Variants in CSMD1 observed in about 807,000 individuals in gnomAD.
CSMD1 encodes the protein CUB and sushi domain-containing protein 1.
A neutral mutation model predicts 417.5 loss-of-function variants in CSMD1; 213 were observed. The ratio of observed to expected loss-of-function variants is 0.51; its 90% CI spans 0.46 to 0.57. The LOEUF is 0.57. CSMD1 is among the 20% of genes least tolerant of loss of function. CSMD1 has a pLI of 0.00. For synonymous variants in CSMD1, 2,862 were observed against 1,736.8 expected, an observed-to-expected ratio of 1.65 and a Z score of -16.11; for missense variants, 6,923 against 4,529.7, an observed-to-expected ratio of 1.53 and a Z score of -15.17.
chr8:4,109,566 G>C (rs546450926), intron 3 of CSMD1, among the ~76,000 whole-genome samples: 2 of 152,112 alleles, frequency 1.3e-5, no homozygotes, highest in Non-Finnish European at 2.9e-5. Flanking sequence ...TCATTTCCCA[G>C]TCAATGTCTG....
At chr8:4,365,887 T>A (rs1438205) in intron 3 of CSMD1, among the ~76,000 whole-genome samples, 74,811 of 152,124 alleles carry the variant, frequency 0.49, 19,456 homozygotes, top group African/African-American at 0.67. Context: ...TTTCTTTTGA[T>A]ATCAAAATAT....
chr8:4,478,192 T>C (rs1010468777), intron 2 of CSMD1, among the ~76,000 whole-genome samples: 1 of 152,188 alleles, frequency 6.6e-6, no homozygotes, highest in African/African-American at 2.4e-5. Context: ...CTTTTTATAT[T>C]CTTTCACTCG....
chr8:3,334,320 C>T (rs916861073), intron 23 of CSMD1, among the ~76,000 whole-genome samples: 1 of 152,196 alleles, frequency 6.6e-6, no homozygotes, highest in Non-Finnish European at 1.5e-5. Context: ...GCTGTGTACA[C>T]TTCATGCTTG....
chr8:3,064,628 G>A (rs1003984678), intron 49 of CSMD1, among the ~76,000 whole-genome samples: 16 of 152,182 alleles, frequency 1.1e-4, no homozygotes, highest in African/African-American at 3.6e-4. Context: ...TGATCCAAAC[G>A]TGGAAGGTTG....
At chr8:4,709,297 G>A (rs1410083042) in intron 1 of CSMD1, among the ~76,000 whole-genome samples, 1 of 152,194 alleles carries the variant, frequency 6.6e-6, no homozygotes, top group Non-Finnish European at 1.5e-5. Flanking sequence ...GGTAGAAGGA[G>A]GTGCTGAACT....
At chr8:4,340,383 A>T (rs972858313) in intron 3 of CSMD1, among the ~76,000 whole-genome samples, 3 of 151,868 alleles carry the variant, frequency 2.0e-5, no homozygotes, top group East Asian at 3.9e-4. Context: ...AGAAAATAAC[A>T]CTCTTGACAT....
At chr8:4,199,171 G>A (rs1799507667) in intron 3 of CSMD1, among the ~76,000 whole-genome samples, 1 of 151,916 alleles carries the variant, frequency 6.6e-6, no homozygotes, top group South Asian at 2.1e-4. Context: ...ACAGCACTGG[G>A]GATGATCCTA....
At chr8:4,743,821 A>T (rs911579758) in intron 1 of CSMD1, among the ~76,000 whole-genome samples, 2 of 152,176 alleles carry the variant, frequency 1.3e-5, no homozygotes, top group African/African-American at 4.8e-5. Flanking sequence ...AAACCTCTTT[A>T]TCGCAAAAGC....
chr8:4,186,815 C>T (rs1031253038), intron 3 of CSMD1, among the ~76,000 whole-genome samples: 12 of 142,282 alleles, frequency 8.4e-5, no homozygotes, highest in South Asian at 2.5e-4. Flanking sequence ...GGTGACACCC[C>T]GTCTCTACTA....
chr8:3,189,421 G>C (rs563537288), intron 34 of CSMD1, among the ~76,000 whole-genome samples: 4 of 152,306 alleles, frequency 2.6e-5, no homozygotes, highest in Non-Finnish European at 4.4e-5. Flanking sequence ...GAGAAGAGGC[G>C]CTTAAAATGT....
chr8:3,811,067 G>A (rs1021462841), intron 5 of CSMD1, among the ~76,000 whole-genome samples: 3 of 152,130 alleles, frequency 2.0e-5, no homozygotes, highest in Admixed American at 1.3e-4. Context: ...CTAAAGAGCT[G>A]TTTTTCCTGA....
At chr8:3,551,880 G>T (rs1481549287) in intron 10 of CSMD1, among the ~76,000 whole-genome samples, 1 of 152,090 alleles carries the variant, frequency 6.6e-6, no homozygotes, top group South Asian at 2.1e-4. Context: ...TCTTTAATGT[G>T]ATCATGCTGA....
intron 1 of CSMD1, among the ~76,000 whole-genome samples, chr8:4,945,003 G>A (rs761500426): frequency 7.9e-5 from 12 of 152,144 alleles, no homozygotes; most frequent in East Asian, 1.9e-4. Context: ...GAACCAACCC[G>A]TGTCCCTTGG....
chr8:3,228,605 T>C (rs1798652845), intron 27 of CSMD1, among the ~76,000 whole-genome samples: 1 of 152,152 alleles, frequency 6.6e-6, no homozygotes, highest in Non-Finnish European at 1.5e-5. Flanking sequence ...ATAAAGTAAC[T>C]AAGAGATGAT....
At chr8:3,155,753 G>A (rs1484997646) in intron 39 of CSMD1, among the ~76,000 whole-genome samples, 1 of 152,098 alleles carries the variant, frequency 6.6e-6, no homozygotes, top group East Asian at 1.9e-4. Flanking sequence ...CCAAGACATA[G>A]CTTTTAAAAA....
chr8:4,977,537 G>A (rs1401761712), intron 1 of CSMD1, among the ~76,000 whole-genome samples: 1 of 152,162 alleles, frequency 6.6e-6, no homozygotes, highest in African/African-American at 2.4e-5. Flanking sequence ...CTCCCTTTGA[G>A]AGGGAACACA....
At position 4,330,887 on chromosome 8, in the gene CSMD1, G is replaced by C. The variant is rs79592164; in HGVS notation, c.415+89066C>G. Among the ~76,000 whole-genome samples, 20 of 152,138 alleles carry C rather than the reference G, an allele frequency of 1.3e-4. No homozygotes were observed. In the East Asian group the frequency reaches 3.5e-3, roughly 27 times the overall value. ...TCAGCAGGAATGTCAGTTTCTCTCA[G>C]AAAGCTTCATTATGTATGCCCAGCA... On this transcript the variant is annotated intron_variant, in intron 3 of 69. Coordinates refer to ENST00000635120, the MANE Select transcript of CSMD1 (RefSeq NM_033225.6).
At chr8:4,693,432 T>G (rs1806906364) in intron 1 of CSMD1, among the ~76,000 whole-genome samples, 1 of 152,246 alleles carries the variant, frequency 6.6e-6, no homozygotes, top group Non-Finnish European at 1.5e-5. Flanking sequence ...AGCCTCAATA[T>G]TCCAAACTTG....
chr8:3,462,123 C>T (rs1186614893), intron 12 of CSMD1, among the ~76,000 whole-genome samples: 2 of 12,622 alleles, frequency 1.6e-4, no homozygotes, highest in East Asian at 2.3e-3. Context: ...AGAATCCAGG[C>T]CCCCCCCCCC....
Sources: allele counts gnomAD v4.1 joint callset (sites outside exome capture counted in the v4.1 genomes callset), GRCh38; gene constraint gnomAD v4.1.1; transcripts MANE v1.5; gene names NCBI Gene and HGNC (gene_info 2026-07-23, HGNC 2026-07-21).